The following CSNK1D variants were observed in gnomAD, a reference collection of about 807,000 sequenced individuals.
The protein encoded by CSNK1D is casein kinase 1 delta, also known as casein kinase I isoform delta.
Under a neutral mutation model 46.6 loss-of-function variants are expected in CSNK1D, and 16 were observed. The observed-to-expected ratio is 0.34, with a 90% confidence interval of 0.23 to 0.52. CSNK1D has a LOEUF of 0.52. CSNK1D is among the 20% of genes least tolerant of loss of function. The pLI is 0.95. For missense variants in CSNK1D, 398 were observed against 578.4 expected, an observed-to-expected ratio of 0.69 and a Z score of 3.20; for synonymous variants, 276 against 228.2, an observed-to-expected ratio of 1.21 and a Z score of -1.89.
At position 82,243,545 on chromosome 17, in the gene CSNK1D, A is replaced by G; in HGVS notation, c.*1236T>C. 1.0e-6 allele frequency: 1 copy of G among 985,504 alleles called. No homozygotes were observed. The allele number at this position is 985,504 out of a possible 1,614,324, so 61.0% of individuals were successfully genotyped here. A position where few individuals can be genotyped will look rare whatever the true frequency, so the allele number is the denominator to read the frequency against. Reference sequence around the variant, plus strand: ...ACGCACGCTGCTTCACTTCTGACCAACAGACACGCGCCCAACAGAAGGTCA... The same window carrying G: ...ACGCACGCTGCTTCACTTCTGACCAGCAGACACGCGCCCAACAGAAGGTCA... On this transcript the variant is annotated 3_prime_UTR_variant, in exon 9 of 9. Coordinates refer to ENST00000314028, the MANE Select transcript of CSNK1D (RefSeq NM_001893.6).
In CSNK1D at chr17:82,251,827, GAAAA is replaced by G. The variant is rs112553966; in HGVS notation, c.737-304_737-301del. ...AACACAGTGAAACCCCATCTCTACTGAAAAAAAAAAAAAAAAAGTTCTAGAGCGT... is the reference window on the plus strand; with the variant it reads ...AACACAGTGAAACCCCATCTCTACTGAAAAAAAAAAAAAGTTCTAGAGCGT... On this transcript the variant is annotated intron_variant, in intron 5 of 8. Transcript: ENST00000314028. This position sits in a 1 kb window ranked among gnomAD's most constrained non-coding sequence, Gnocchi z 4.5. 1.5e-4 allele frequency: 39 copies of G among 267,336 alleles called. No homozygotes were observed. The highest frequency in any genetic ancestry group is 3.2e-4 in the South Asian group (10 of 31,494). The allele number at this position is 267,336 out of a possible 1,614,324, so 16.6% of individuals were successfully genotyped here. A position where few individuals can be genotyped will look rare whatever the true frequency, so the allele number is the denominator to read the frequency against.
At chr17:82,260,109 G>A (rs2051288969) in intron 2 of CSNK1D, among the ~76,000 whole-genome samples, 1 of 149,424 alleles carries the variant, frequency 6.7e-6, no homozygotes, top group Admixed American at 6.7e-5. Flanking sequence ...GACTGATGGT[G>A]TACTGACTGA....
Position 82,252,978 on chromosome 17 carries a change from G to A in CSNK1D, c.565+38C>T. 1.3e-6 allele frequency: 2 copies of A among 1,591,416 alleles called. No individual in the cohort carries two copies. The highest frequency in any genetic ancestry group is 1.7e-6 in the Non-Finnish European group (2 of 1,160,196). On this transcript the variant is annotated intron_variant, in intron 4 of 8. Coordinates refer to ENST00000314028, the MANE Select transcript of CSNK1D (RefSeq NM_001893.6). This position sits in a 1 kb window ranked among gnomAD's most constrained non-coding sequence, Gnocchi z 4.6. ...GGGCTGAGGCATGGACGCGCCCAAA[G>A]GCACCCCAGGTCAGTGACCCCATGC...
intron 2 of CSNK1D, among the ~76,000 whole-genome samples, chr17:82,258,306 A>G (rs1359044513): frequency 6.7e-6 from 1 of 150,340 alleles, no homozygotes; most frequent in Non-Finnish European, 1.5e-5. Flanking sequence ...TATAAAAAAC[A>G]TAAATGTATA....
At chr17:82,245,758 C>CTCTG (rs2050834443) in intron 8 of CSNK1D, among the ~76,000 whole-genome samples, 1 of 152,222 alleles carries the variant, frequency 6.6e-6, no homozygotes, top group Non-Finnish European at 1.5e-5. Context: ...CCTGGGGTCA[C>CTCTG]TCTGTTCCAA....
intron 2 of CSNK1D, among the ~76,000 whole-genome samples, chr17:82,264,425 G>A (rs939670064): frequency 5.3e-5 from 8 of 152,212 alleles, no homozygotes; most frequent in Admixed American, 2.0e-4. Context: ...GAAAGTCCAG[G>A]GAACTCGCAA....
intron 2 of CSNK1D, 85 bp downstream of exon 2, chr17:82,265,601 G>A: frequency 8.9e-7 from 1 of 1,118,452 alleles, no homozygotes; most frequent in Non-Finnish European, 1.4e-6. Flanking sequence ...CCAGTTTTGG[G>A]TTTATTTTAA....
rs527672314 is a variant in CSNK1D at position 82,244,094 on chromosome 17, G to A, written c.*687C>T. ...GCATGTCAATTACGGGAGGAGGGAG[G>A]GTGAGACGCCAAAATCAGGTTGAAG... On this transcript the variant is annotated 3_prime_UTR_variant, in exon 9 of 9. Transcript: ENST00000314028. The A allele has an allele frequency of 2.0e-6, 2 of 990,266 alleles. No individual in the cohort carries two copies. The highest frequency in any genetic ancestry group is 5.8e-5 in the Admixed American group (1 of 17,148). 61.3% of individuals were successfully genotyped at this position (990,266 alleles called of 1,614,324 possible).
downstream of CSNK1D, chr17:82,239,043 T>A (rs2050696645): frequency 2.8e-6 from 4 of 1,446,188 alleles, no homozygotes; most frequent in African/African-American, 4.3e-5. Flanking sequence ...CTATTTATTT[T>A]ACAAACTGGA....
rs781565959 is a variant in CSNK1D at position 82,273,391 on chromosome 17, G to C, written c.-10C>G. 3.8e-5 allele frequency: 62 copies of C among 1,610,440 alleles called. No individual in the cohort carries two copies. The highest frequency in any genetic ancestry group is 4.3e-5 in the Non-Finnish European group (51 of 1,179,288). On this transcript the variant is annotated 5_prime_UTR_variant, in exon 1 of 9. Coordinates refer to ENST00000314028, the MANE Select transcript of CSNK1D (RefSeq NM_001893.6). The surrounding 1 kb of genome is among the most constrained non-coding windows in gnomAD (Gnocchi z 5.1). ...CGACTCTCAGCTCCATGGCGGCGGC[G>C]GCCCGATTCGCTCCTGCCCTCCCGG...
chr17:82,269,690 T>C (rs990157939), intron 1 of CSNK1D, among the ~76,000 whole-genome samples: 57 of 152,244 alleles, frequency 3.7e-4, no homozygotes, highest in Non-Finnish European at 4.6e-4. Flanking sequence ...AATCCAGTCC[T>C]GCCACTAACC....
chr17:82,240,320 C>G (rs561614384), downstream of CSNK1D, among the ~76,000 whole-genome samples: 63 of 152,118 alleles, frequency 4.1e-4, no homozygotes, highest in African/African-American at 1.4e-3. Context: ...GGGAGAAAGA[C>G]GAGGAGGCAG....
intron 1 of CSNK1D, chr17:82,266,743 C>T (rs1017549974): frequency 6.6e-6 from 1 of 152,362 alleles, no homozygotes; most frequent in African/African-American, 2.4e-5. Flanking sequence ...CTCCTCTTCC[C>T]TCACGAGTCC....
downstream of CSNK1D, chr17:82,239,688 G>C: frequency 2.9e-6 from 1 of 342,738 alleles, no homozygotes; most frequent in Non-Finnish European, 5.2e-6. Context: ...CCTCTGAAAT[G>C]TGCCAGGGAG....
Position 82,255,300 on chromosome 17 carries a change from G to C in CSNK1D, c.336+129C>G. 8.7e-7 allele frequency: 1 copy of C among 1,144,096 alleles called. No homozygotes were observed. Among genetic ancestry groups the C allele is most frequent in the Non-Finnish European group, 1.3e-6 (1 of 767,882 alleles). The allele number at this position is 1,144,096 out of a possible 1,614,324, so 70.9% of individuals were successfully genotyped here. A position where few individuals can be genotyped will look rare whatever the true frequency, so the allele number is the denominator to read the frequency against. ...GTGAGCTGAGCCACTGCAGCCTCAA[G>C]GCTGAGGCTCAGCAAATTTCCATTT... On this transcript the variant is annotated intron_variant, in intron 3 of 8. Coordinates refer to ENST00000314028, the MANE Select transcript of CSNK1D (RefSeq NM_001893.6). This position sits in a 1 kb window ranked among gnomAD's most constrained non-coding sequence, Gnocchi z 5.9.
In CSNK1D at chr17:82,247,476, G is replaced by A. The variant is rs1046706597; in HGVS notation, c.1197+1399C>T. 6.1e-6 allele frequency: 6 copies of A among 985,364 alleles called. No homozygotes were observed. The African/African-American group carries it at 1.0e-4, about 17-fold the overall frequency. The allele number at this position is 985,364 out of a possible 1,614,324, so 61.0% of individuals were successfully genotyped here. ...AAAAAGCACTCAGGCCCCTTCCCTA[G>A]TCTTTGTCAGCCAAGCGCTGGGGCG... On this transcript the variant is annotated intron_variant, in intron 8 of 8. Coordinates refer to ENST00000314028, the MANE Select transcript of CSNK1D (RefSeq NM_001893.6).
downstream of CSNK1D, chr17:82,240,098 G>C (rs2050721715): frequency 8.1e-7 from 1 of 1,228,892 alleles, no homozygotes; most frequent in East Asian, 3.2e-5. Context: ...GCACATCTCA[G>C]GTCCAGCTGT....
intron 1 of CSNK1D, among the ~76,000 whole-genome samples, chr17:82,271,427 T>A (rs1399220426): frequency 6.6e-6 from 1 of 152,238 alleles, no homozygotes; most frequent in African/African-American, 2.4e-5. Flanking sequence ...CTTTGCAGTG[T>A]AACTCAGATC....
chr17:82,245,860 T>A, intron 8 of CSNK1D: 2 of 1,069,520 alleles, frequency 1.9e-6, no homozygotes, highest in Non-Finnish European at 2.8e-6. Flanking sequence ...GAAGCCTCAC[T>A]CTACCTCCAG....
Sources: gnomAD v4.1 joint callset for allele counts (sites outside exome capture counted in the v4.1 genomes callset) on GRCh38, gnomAD v4.1.1 for gene constraint, Gnocchi (gnomAD v3.1) non-coding constraint, MANE v1.5 for transcripts, NCBI Gene and HGNC (gene_info 2026-07-23, HGNC 2026-07-21) for gene names.